KALRN: variants seen among roughly 807,000 people sequenced by gnomAD.
The protein encoded by KALRN is kalirin RhoGEF kinase, also known as kalirin.
In KALRN, 70 loss-of-function variants were observed where a neutral mutation model predicts 353.7. That is an observed-to-expected ratio of 0.20 (90% CI 0.16 to 0.24). The LOEUF is 0.24. Among genes scored for constraint, KALRN ranks in the 10% least tolerant of loss-of-function variants. The pLI, the probability that KALRN is intolerant of heterozygous loss-of-function variation, is 1.00. For missense variants in KALRN, 2,791 were observed against 3,756.7 expected (o/e 0.74, Z 6.72); for synonymous variants, 1,391 against 1,434.8 (o/e 0.97, Z 0.69).
intron 34 of KALRN, among the ~76,000 whole-genome samples, chr3:124,612,127 C>T (rs573227622): frequency 7.2e-5 from 11 of 152,216 alleles, no homozygotes; most frequent in Admixed American, 1.3e-4. Flanking sequence ...CAGGTTCAAG[C>T]GATTCTCCTG....
intron 57 of KALRN, among the ~76,000 whole-genome samples, chr3:124,702,846 G>A (rs2062408718): frequency 1.3e-5 from 2 of 152,056 alleles, no homozygotes; most frequent in South Asian, 4.2e-4. Context: ...AGAACATTTA[G>A]TGTGTCCTCA....
At chr3:124,714,085 A>G (rs1238452156) in intron 58 of KALRN, among the ~76,000 whole-genome samples, 1 of 152,026 alleles carries the variant, frequency 6.6e-6, no homozygotes, top group African/African-American at 2.4e-5. Context: ...AAAAAAAAAA[A>G]ACAGAGGGGA....
intron 1 of KALRN, among the ~76,000 whole-genome samples, chr3:124,066,758 G>A (rs1195042956): frequency 6.6e-6 from 1 of 152,144 alleles, no homozygotes; most frequent in Non-Finnish European, 1.5e-5. Flanking sequence ...GTCAGCCTTG[G>A]GCACTCAGCC....
Position 124,678,210 on chromosome 3 carries a change from C to T in KALRN, c.7214C>T (p.Thr2405Ile), listed in dbSNP as rs768245754. 15 of 1,613,836 alleles carry T rather than the reference C, an allele frequency of 9.3e-6. No individual in the cohort carries two copies. Among genetic ancestry groups the T allele is most frequent in the Middle Eastern group, 3.3e-4 (2 of 6,050 alleles). ...GSIKKSCSWHTLRMRKRAEVE... is the reference protein window; with the variant it reads ...GSIKKSCSWHILRMRKRAEVE... ...AACAGGAAGTCATGTTCATGGCATA[C>T]TCTACGCATGAGAAAGCGGGCGGAA... is the stretch of plus-strand genomic sequence containing the variant. The change falls in exon 50 of 60, where the codon ACT (threonine) becomes ATT (isoleucine). Residue 2405 changes from threonine to isoleucine, a missense_variant. This residue lies in a region of KALRN where 1,065 missense variants were observed against 1,156.4 expected (regional missense o/e 0.92). Coordinates refer to ENST00000682506, the MANE Select transcript of KALRN (RefSeq NM_001388419.1).
intron 1 of KALRN, among the ~76,000 whole-genome samples, chr3:124,083,864 T>C (rs1185373729): frequency 6.6e-6 from 1 of 152,236 alleles, no homozygotes; most frequent in Non-Finnish European, 1.5e-5. Context: ...CATATCCTAA[T>C]TGTTGACTCT....
chr3:124,719,037 A>C lies in KALRN; in HGVS notation c.8528A>C (p.Asn2843Thr). Residue 2843 changes from asparagine (N) to threonine (T), a missense_variant, in exon 60 of 60, where the codon AAC (asparagine) becomes ACC (threonine). Physicochemically the swap from Asn to Thr is moderately conservative, Grantham distance 65 (BLOSUM62 0). This residue lies in a region of KALRN where 188 missense variants were observed against 402.9 expected (regional missense o/e 0.47). Transcript: ENST00000682506. This position sits in a 1 kb window ranked among gnomAD's most constrained non-coding sequence, Gnocchi z 5.3. Reference sequence around the variant, plus strand: ...TTCCACATTCACCACCTGCTGGGGAACCCTGAGTTTGCTGCCCCAGAAGTC... The same window carrying C: ...TTCCACATTCACCACCTGCTGGGGACCCCTGAGTTTGCTGCCCCAGAAGTC... ...GHFHIHHLLG[N>T]PEFAAPEVIQ... The C allele has an allele frequency of 1.2e-6, 2 of 1,613,952 alleles. No individual in the cohort carries two copies. Among genetic ancestry groups the C allele is most frequent in the Non-Finnish European group, 1.7e-6 (2 of 1,179,984 alleles).
chr3:124,687,098 A>G (rs910502813), intron 51 of KALRN, among the ~76,000 whole-genome samples: 5 of 152,026 alleles, frequency 3.3e-5, no homozygotes, highest in Admixed American at 1.3e-4. Context: ...TATAGGCATG[A>G]GCCATGGCAC....
chr3:124,664,370 T>TGTGC (rs370394911), intron 45 of KALRN, among the ~76,000 whole-genome samples: 4,015 of 129,434 alleles, frequency 0.031, 65 homozygotes, highest in East Asian at 0.042. Context: ...TGTGTGTGTG[T>TGTGC]GCGCGCGCGC....
At position 124,666,539 on chromosome 3, in the gene KALRN, A is replaced by G; in HGVS notation, c.6436A>G (p.Arg2146Gly). The change falls in exon 46 of 60, where the codon AGG (arginine) becomes GGG (glycine). Residue 2146 changes from arginine (R) to glycine (G), a missense_variant. By Grantham distance (125) the Arg-to-Gly change is moderately radical (BLOSUM62 -2). Around this residue, in one of 11 missense-constraint regions of KALRN, gnomAD observed 1,065 missense variants for 1,156.4 expected, o/e 0.92. Coordinates refer to ENST00000682506, the MANE Select transcript of KALRN (RefSeq NM_001388419.1). ...AGGCATGCAGTCCCGGACCAAAGAG[A>G]GGCGCGTGTTCCTCTTCGAGCAGAT... is the stretch of plus-strand genomic sequence containing the variant. ...DAGMQSRTKE[R>G]RVFLFEQIVI... The G allele has an allele frequency of 6.2e-7, 1 of 1,613,992 alleles. No individual in the cohort carries two copies. The highest frequency in any genetic ancestry group is 8.5e-7 in the Non-Finnish European group (1 of 1,179,900).
At chr3:124,274,195 G>A (rs193164817) in intron 5 of KALRN, among the ~76,000 whole-genome samples, 173 of 152,328 alleles carry the variant, frequency 1.1e-3, no homozygotes, top group African/African-American at 3.9e-3. Context: ...AGAAGCAGCC[G>A]TGAAGTCCAC....
At chr3:124,155,133 T>C (rs928451749) in intron 1 of KALRN, among the ~76,000 whole-genome samples, 2 of 152,150 alleles carry the variant, frequency 1.3e-5, no homozygotes, top group African/African-American at 4.8e-5. Flanking sequence ...GACTTAAACC[T>C]TGGACCTAAA....
chr3:124,141,125 G>T (rs530200973), intron 1 of KALRN, among the ~76,000 whole-genome samples: 1 of 152,046 alleles, frequency 6.6e-6, no homozygotes, highest in Non-Finnish European at 1.5e-5. Flanking sequence ...CCAGGGAACC[G>T]GTCCTTCCTG....
At chr3:124,059,444 A>G (rs2041828431) in intron 1 of KALRN, among the ~76,000 whole-genome samples, 2 of 152,094 alleles carry the variant, frequency 1.3e-5, no homozygotes, top group South Asian at 4.1e-4. Flanking sequence ...ATTTCCAACT[A>G]TACAATACAT....
intron 3 of KALRN, among the ~76,000 whole-genome samples, chr3:124,253,397 C>G (rs917501337): frequency 6.6e-6 from 1 of 152,146 alleles, no homozygotes; most frequent in Non-Finnish European, 1.5e-5. Flanking sequence ...GAAGTGGATA[C>G]TTACTTGGGG....
intron 10 of KALRN, among the ~76,000 whole-genome samples, chr3:124,368,335 A>C (rs1256417778): frequency 6.9e-6 from 1 of 145,660 alleles, no homozygotes; most frequent in African/African-American, 2.6e-5. Flanking sequence ...GGGGCTCCTC[A>C]TTTCTCAGAC....
chr3:124,112,639 C>T (rs753777163), intron 1 of KALRN, among the ~76,000 whole-genome samples: 1 of 152,116 alleles, frequency 6.6e-6, no homozygotes, highest in Non-Finnish European at 1.5e-5. Flanking sequence ...TCCATCTTTC[C>T]ACCTTCTGTT....
chr3:124,214,699 C>T lies in KALRN; in HGVS notation c.74-13291C>T, dbSNP rs905594125. On this transcript the variant is annotated intron_variant, in intron 1 of 59. Coordinates refer to ENST00000682506, the MANE Select transcript of KALRN (RefSeq NM_001388419.1). ...GGACATTTATTCTACATGTAGCAAG[C>T]AGATTTTAGGATCCAACTCACTTGG... Among the ~76,000 whole-genome samples, 3 of 152,286 alleles carry T rather than the reference C, an allele frequency of 2.0e-5. No individual in the cohort carries two copies. In the South Asian group the frequency reaches 6.2e-4, roughly 32 times the overall value.
At chr3:124,392,033 C>T (rs1273655784) in intron 11 of KALRN, among the ~76,000 whole-genome samples, 1 of 151,948 alleles carries the variant, frequency 6.6e-6, no homozygotes, top group Non-Finnish European at 1.5e-5. Context: ...TGGCTTGCAA[C>T]AAAAATATCT....
At position 124,376,902 on chromosome 3, in the gene KALRN, C is replaced by T. The variant is rs75774127; in HGVS notation, c.1771-7943C>T. On this transcript the variant is annotated intron_variant, in intron 10 of 59. Coordinates refer to ENST00000682506, the MANE Select transcript of KALRN (RefSeq NM_001388419.1). ...AATTCTCCTTAGAAGACAACATGCA[C>T]ACAAAAGGAGTGTATTGCAAAAGAA... Among the ~76,000 whole-genome samples the T allele has an allele frequency of 6.8e-3, 1,033 of 151,894 alleles. 10 individuals are homozygous for T. The highest frequency in any genetic ancestry group is 0.024 in the African/African-American group (989 of 41,386).
Sources: gnomAD v4.1 joint callset for allele counts (sites outside exome capture counted in the v4.1 genomes callset) on GRCh38, gnomAD v4.1.1 for gene constraint, gnomAD v4.1.1 regional missense constraint, Gnocchi (gnomAD v3.1) non-coding constraint, MANE v1.5 for transcripts, NCBI Gene and HGNC (gene_info 2026-07-23, HGNC 2026-07-21) for gene names.